The following TCF4 variants were observed in gnomAD, a reference collection of about 807,000 sequenced individuals.
TCF4 encodes transcription factor 4, also known as SL3-3 enhancer factor 2.
In TCF4, 3 loss-of-function variants were observed where a neutral mutation model predicts 82.1. The observed-to-expected ratio is 0.04, with a 90% confidence interval of 0.02 to 0.09. TCF4 has a LOEUF of 0.09. TCF4 is among the 10% of genes least tolerant of loss of function. The pLI is 1.00. For missense variants in TCF4, 518 were observed against 852.7 expected (o/e 0.61, Z 4.89); for synonymous variants, 276 against 309.6 (o/e 0.89, Z 1.14).
chr18:55,519,115 C>G (rs1007304472), intron 3 of TCF4: 1 of 152,158 alleles, frequency 6.6e-6, no homozygotes, highest in African/African-American at 2.4e-5. Context: ...AGACTCCCAA[C>G]AGGATCATGA....
intron 3 of TCF4, chr18:55,550,944 T>G (rs1312363145): frequency 6.6e-6 from 1 of 152,080 alleles, no homozygotes; most frequent in Non-Finnish European, 1.5e-5. Context: ...CCTCATGTTA[T>G]TCTTTTTTTT....
At chr18:55,502,161 C>T (rs142591309) in intron 3 of TCF4, among the ~76,000 whole-genome samples, 1 of 152,164 alleles carries the variant, frequency 6.6e-6, no homozygotes, top group African/African-American at 2.4e-5. Context: ...GAATGCATGA[C>T]GATGAAAAGT....
intron 5 of TCF4, among the ~76,000 whole-genome samples, chr18:55,426,291 AAG>A (rs1402042106): frequency 6.6e-6 from 1 of 152,104 alleles, no homozygotes; most frequent in Non-Finnish European, 1.5e-5. Flanking sequence ...AGGCAGAAGA[AAG>A]AGATGCAGCC....
At position 55,275,731 on chromosome 18, in the gene TCF4, G is replaced by A; in HGVS notation, c.677C>T (p.Pro226Leu). 1 of 1,613,856 alleles carries A rather than the reference G, an allele frequency of 6.2e-7. No individual in the cohort carries two copies. The highest frequency in any genetic ancestry group is 8.5e-7 in the Non-Finnish European group (1 of 1,179,778). Residue 226 changes from proline to leucine, a missense_variant, in exon 10 of 20, where the codon CCT becomes CTT. Coordinates refer to ENST00000354452, the MANE Select transcript of TCF4 (RefSeq NM_001083962.2). Reference protein sequence around the residue: ...FMQDGHHSSDPWSSSSGMNQP... With the variant: ...FMQDGHHSSDLWSSSSGMNQP... The stretch of plus-strand genomic sequence containing the variant: ...ATTCATCCCACTGGAGGAGCTCCAA[G>A]GGTCACTGCTGTGATGGCCATCTGT...
rs567868884 is a variant in TCF4, at chr18:55,324,159, T to G, written c.549+26200A>C. On this transcript the variant is annotated intron_variant, in intron 8 of 19. Transcript: ENST00000354452. The stretch of plus-strand genomic sequence containing the variant: ...AAGACTGAAAAAATTAAAATGAGAC[T>G]AGAACATTAAGCTTCTGGGCTTCAT... Among the ~76,000 whole-genome samples, 14 of 152,330 alleles carry G rather than the reference T, an allele frequency of 9.2e-5. 1 individual carries two copies. In the South Asian group the frequency reaches 2.9e-3, roughly 32 times the overall value.
intron 3 of TCF4, chr18:55,547,070 G>GCT (rs1407003614): frequency 6.6e-6 from 1 of 152,252 alleles, no homozygotes; most frequent in African/African-American, 2.4e-5. Flanking sequence ...ATTCCCCACA[G>GCT]CTGTTGAGTC....
intron 3 of TCF4, among the ~76,000 whole-genome samples, chr18:55,532,182 A>G (rs150770710): frequency 2.6e-5 from 4 of 152,368 alleles, no homozygotes; most frequent in Admixed American, 6.5e-5. Flanking sequence ...TCAAAAAGGA[A>G]TCACCTAGCT....
At chr18:55,360,877 C>A (rs771361796) in intron 6 of TCF4, among the ~76,000 whole-genome samples, 3 of 151,798 alleles carry the variant, frequency 2.0e-5, no homozygotes, top group Non-Finnish European at 2.9e-5. Context: ...CAGGTGCATG[C>A]CACCATGCCC....
Position 55,364,894 on chromosome 18 carries a change from C to T in TCF4, c.370-13891G>A, listed in dbSNP as rs536214265. Among the ~76,000 whole-genome samples the T allele has an allele frequency of 8.6e-4, 130 of 152,038 alleles. 1 individual carries two copies. The highest frequency in any genetic ancestry group is 2.9e-3 in the African/African-American group (119 of 41,464). On this transcript the variant is annotated intron_variant, in intron 6 of 19. Coordinates refer to ENST00000354452, the MANE Select transcript of TCF4 (RefSeq NM_001083962.2). The stretch of plus-strand genomic sequence containing the variant: ...AATATATAAGGGCTGGGCATGGTGG[C>T]TCATGCCTCTAATCCCAGCACTTTG...
chr18:55,315,725 A>C (rs1281427047), intron 8 of TCF4, among the ~76,000 whole-genome samples: 1 of 152,190 alleles, frequency 6.6e-6, no homozygotes, highest in Non-Finnish European at 1.5e-5. Flanking sequence ...TTGAAATGTT[A>C]TAAAGCCTAC....
intron 3 of TCF4, among the ~76,000 whole-genome samples, chr18:55,521,739 ATATC>A (rs1321407066): frequency 6.6e-6 from 1 of 152,220 alleles, no homozygotes; most frequent in Non-Finnish European, 1.5e-5. Context: ...TTTATAATAA[ATATC>A]TAGACAGAAA....
chr18:55,279,462 A>T, intron 9 of TCF4, 89 bp downstream of exon 9: 1 of 1,588,532 alleles, frequency 6.3e-7, no homozygotes. Flanking sequence ...CTTGCCTACT[A>T]TTCCATTTCT....
intron 1 of TCF4, among the ~76,000 whole-genome samples, chr18:55,587,696 G>A (rs1026814550): frequency 2.0e-5 from 3 of 151,924 alleles, no homozygotes; most frequent in African/African-American, 4.8e-5. Flanking sequence ...CACGTCCAAA[G>A]GGGGAGGGGT....
chr18:55,399,336 G>A (rs2093669801), intron 6 of TCF4, among the ~76,000 whole-genome samples: 1 of 152,066 alleles, frequency 6.6e-6, no homozygotes, highest in South Asian at 2.1e-4. Context: ...CCAAGTTTCT[G>A]GAAATTAACA....
intron 2 of TCF4, 189 bp from the exon 3 acceptor site, chr18:55,585,541 A>G (rs908824252): frequency 2.7e-5 from 18 of 662,806 alleles, no homozygotes; most frequent in African/African-American, 2.2e-4. Flanking sequence ...AGCCCCCATT[A>G]TCACTCTGTT....
At chr18:55,295,473 C>G (rs1050931606) in intron 8 of TCF4, among the ~76,000 whole-genome samples, 1 of 152,204 alleles carries the variant, frequency 6.6e-6, no homozygotes, top group Admixed American at 6.5e-5. Flanking sequence ...AATGTCACTT[C>G]TATCTTTCAG....
chr18:55,586,205 A>AT, intron 2 of TCF4: 3 of 847,910 alleles, frequency 3.5e-6, no homozygotes, highest in Admixed American at 3.2e-5. Flanking sequence ...CAGCAGCAGC[A>AT]GCAGCAGCAG....
At chr18:55,302,267 T>A (rs1009504092) in intron 8 of TCF4, 28 of 712,080 alleles carry the variant, frequency 3.9e-5, no homozygotes, top group Admixed American at 5.0e-5. Flanking sequence ...CAGAGCGAAT[T>A]AAAATGAAAG....
intron 2 of TCF4, among the ~76,000 whole-genome samples, chr18:55,612,418 A>C (rs2097707947): frequency 6.6e-6 from 1 of 152,160 alleles, no homozygotes; most frequent in Admixed American, 6.6e-5. Context: ...GCCAAAGCTT[A>C]TCTGACATTG....
Sources: gnomAD v4.1 joint callset for allele counts (sites outside exome capture counted in the v4.1 genomes callset) on GRCh38, gnomAD v4.1.1 for gene constraint, MANE v1.5 for transcripts, NCBI Gene and HGNC (gene_info 2026-07-23, HGNC 2026-07-21) for gene names.